TASP1: variants seen among roughly 807,000 people sequenced by gnomAD.
The protein encoded by TASP1 is taspase 1.
A neutral mutation model predicts 56.6 loss-of-function variants in TASP1; 16 were observed. That is an observed-to-expected ratio of 0.28 (90% CI 0.19 to 0.43). The LOEUF is 0.43. TASP1 is among the 20% of genes least tolerant of loss of function. The probability of loss-of-function intolerance (pLI) is 1.00; values close to 1 mark genes in which losing one functional copy is unlikely to be tolerated. For missense variants in TASP1, 393 were observed against 511.6 expected, an observed-to-expected ratio of 0.77 and a Z score of 2.24; for synonymous variants, 179 against 184.2, an observed-to-expected ratio of 0.97 and a Z score of 0.23.
chr20:13,635,005 G>A (rs2049246277), intron 1 of TASP1, among the ~76,000 whole-genome samples: 1 of 152,102 alleles, frequency 6.6e-6, no homozygotes. Flanking sequence ...TCCAGCCTGG[G>A]CAACAAGAGC....
the TASP1 span, among the ~76,000 whole-genome samples, chr20:13,109,044 C>T: frequency 1.3e-5 from 2 of 152,080 alleles, no homozygotes; most frequent in African/African-American, 4.8e-5. Flanking sequence ...TAAACCTCGG[C>T]CATTTTTTTC....
chr20:13,299,550 G>A, the TASP1 span: 1 of 1,180,036 alleles, frequency 8.5e-7, no homozygotes, highest in Non-Finnish European at 1.2e-6. The surrounding 1 kb of genome is among the most constrained non-coding windows in gnomAD (Gnocchi z 5.8). Context: ...GACCTTCATA[G>A]CTGCGGTCGT....
chr20:13,119,477 G>A, the TASP1 span, among the ~76,000 whole-genome samples: 1 of 152,184 alleles, frequency 6.6e-6, no homozygotes, highest in East Asian at 1.9e-4. Context: ...ATTTGGCATA[G>A]ATACTGAGCA....
chr20:13,543,944 C>T (rs1365372937), intron 8 of TASP1, among the ~76,000 whole-genome samples: 1 of 152,128 alleles, frequency 6.6e-6, no homozygotes, highest in Non-Finnish European at 1.5e-5. Context: ...TACCATTTTG[C>T]ACATCACTCT....
chr20:13,478,583 C>G (rs1964576277), intron 11 of TASP1, among the ~76,000 whole-genome samples: 1 of 152,022 alleles, frequency 6.6e-6, no homozygotes, highest in Admixed American at 6.6e-5. Context: ...GTGGGAGAGT[C>G]AGGGAATGAG....
chr20:13,456,843 C>G (rs2043858667), intron 11 of TASP1, among the ~76,000 whole-genome samples: 3 of 151,952 alleles, frequency 2.0e-5, no homozygotes. Flanking sequence ...GAACTAAATA[C>G]AAAAGCAAGT....
intron 4 of TASP1, among the ~76,000 whole-genome samples, chr20:13,618,821 G>A (rs2048610877): frequency 6.6e-6 from 1 of 151,494 alleles, no homozygotes; most frequent in African/African-American, 2.4e-5. Flanking sequence ...AAAGGAACCT[G>A]TATAATTTGC....
At chr20:13,551,638 G>A (rs941262112) in intron 8 of TASP1, among the ~76,000 whole-genome samples, 3 of 152,058 alleles carry the variant, frequency 2.0e-5, no homozygotes, top group Non-Finnish European at 4.4e-5. Flanking sequence ...TTCCCAATAC[G>A]AGGGTCTCCT....
chr20:13,345,874 T>G, the TASP1 span, among the ~76,000 whole-genome samples: 2 of 148,724 alleles, frequency 1.3e-5, no homozygotes, highest in Non-Finnish European at 3.0e-5. Flanking sequence ...TCACATACAG[T>G]TGGTCTCTTT....
chr20:13,529,863 G>A (rs1186321540), intron 9 of TASP1, among the ~76,000 whole-genome samples: 1 of 152,064 alleles, frequency 6.6e-6, no homozygotes, highest in African/African-American at 2.4e-5. Context: ...ACCCAGAGCG[G>A]GAATCTCCAT....
At chr20:13,538,997 G>A (rs530751898) in intron 8 of TASP1, among the ~76,000 whole-genome samples, 24 of 152,204 alleles carry the variant, frequency 1.6e-4, no homozygotes, top group Admixed American at 5.2e-4. Context: ...GCAGTGAGCC[G>A]AGATCACGCC....
chr20:13,159,174 T>G, the TASP1 span, among the ~76,000 whole-genome samples: 8,632 of 152,216 alleles, frequency 0.057, 284 homozygotes, highest in African/African-American at 0.088. Context: ...GGAAAAGAAA[T>G]AGACTAGAAG....
intron 11 of TASP1, among the ~76,000 whole-genome samples, chr20:13,467,722 AAC>A (rs1351985984): frequency 6.6e-6 from 1 of 152,170 alleles, no homozygotes; most frequent in African/African-American, 2.4e-5. Flanking sequence ...GTGCCCTAAA[AAC>A]ACATACACAC....
At chr20:13,224,885 G>A in the TASP1 span, among the ~76,000 whole-genome samples, 64 of 127,178 alleles carry the variant, frequency 5.0e-4, no homozygotes, top group Non-Finnish European at 7.7e-4. Context: ...TTGCTCTGTC[G>A]CCCAGGCTGG....
intron 10 of TASP1, among the ~76,000 whole-genome samples, chr20:13,517,953 A>G (rs1464086263): frequency 9.2e-5 from 14 of 152,126 alleles, no homozygotes; most frequent in Non-Finnish European, 1.5e-5. Flanking sequence ...CTGTAAATGA[A>G]TATTATTTTT....
the TASP1 span, among the ~76,000 whole-genome samples, chr20:13,343,219 C>G: frequency 6.6e-6 from 1 of 152,196 alleles, no homozygotes; most frequent in Non-Finnish European, 1.5e-5. Flanking sequence ...TAAATGAGGT[C>G]CGGCAAGAGG....
the TASP1 span, among the ~76,000 whole-genome samples, chr20:13,337,375 G>A: frequency 6.6e-6 from 1 of 152,174 alleles, no homozygotes; most frequent in Non-Finnish European, 1.5e-5. Flanking sequence ...TTTGAAGTAA[G>A]CACTGCTACT....
the TASP1 span, among the ~76,000 whole-genome samples, chr20:13,209,069 G>T: frequency 3.5e-3 from 528 of 152,206 alleles, 7 homozygotes; most frequent in African/African-American, 0.012. Context: ...TGCTTGTGTG[G>T]GTGGGCTAGG....
At chr20:13,110,357 C>A in the TASP1 span, 2 of 657,648 alleles carry the variant, frequency 3.0e-6, no homozygotes, top group Non-Finnish European at 5.1e-6. Context: ...ACAGAGCCAC[C>A]AATGGGAGCT....
Sources: gnomAD v4.1 joint callset for allele counts (sites outside exome capture counted in the v4.1 genomes callset) on GRCh38, gnomAD v4.1.1 for gene constraint, Gnocchi (gnomAD v3.1) non-coding constraint, MANE v1.5 for transcripts, NCBI Gene and HGNC (gene_info 2026-07-23, HGNC 2026-07-21) for gene names.